The following OPCML variants were observed in gnomAD, a reference collection of about 807,000 sequenced individuals.
The protein encoded by OPCML is opioid binding protein/cell adhesion molecule like.
Under a neutral mutation model 37.8 loss-of-function variants are expected in OPCML, and 13 were observed. That is an observed-to-expected ratio of 0.34 (90% CI 0.22 to 0.55). The LOEUF (loss-of-function observed/expected upper bound fraction) is 0.55, where lower values mean the gene tolerates loss of function less well. OPCML is among the 20% of genes least tolerant of loss of function. The probability of loss-of-function intolerance (pLI) is 0.91; values close to 1 mark genes in which losing one functional copy is unlikely to be tolerated. For synonymous variants in OPCML, 176 were observed against 168.8 expected, an observed-to-expected ratio of 1.04 and a Z score of -0.33; for missense variants, 341 against 435.6, an observed-to-expected ratio of 0.78 and a Z score of 1.93.
chr11:133,034,028 A>T (rs974519654), intron 1 of OPCML, among the ~76,000 whole-genome samples: 2 of 152,206 alleles, frequency 1.3e-5, no homozygotes, highest in East Asian at 3.8e-4. Context: ...AAAATGACTT[A>T]GTTGCGATGG....
chr11:132,641,443 A>G (rs1397359257), intron 3 of OPCML, among the ~76,000 whole-genome samples: 2 of 152,066 alleles, frequency 1.3e-5, no homozygotes, highest in Non-Finnish European at 2.9e-5. Context: ...ACTTTTTCAA[A>G]GTGAGTTTCC....
chr11:132,954,882 G>A (rs759897327), intron 1 of OPCML, among the ~76,000 whole-genome samples: 1 of 152,058 alleles, frequency 6.6e-6, no homozygotes, highest in African/African-American at 2.4e-5. Context: ...ACTCAGGATC[G>A]GTGCCCACAC....
chr11:133,226,754 G>C (rs2030379375), intron 1 of OPCML, among the ~76,000 whole-genome samples: 1 of 152,118 alleles, frequency 6.6e-6, no homozygotes, highest in Non-Finnish European at 1.5e-5. Flanking sequence ...AGCCAATAAA[G>C]AGCACAGTAA....
chr11:133,122,380 G>T (rs187469258), intron 1 of OPCML, among the ~76,000 whole-genome samples: 118 of 151,692 alleles, frequency 7.8e-4, no homozygotes, highest in Admixed American at 4.5e-3. Context: ...CAAGAAAAAT[G>T]GGGTTTGCAG....
intron 1 of OPCML, among the ~76,000 whole-genome samples, chr11:133,075,877 A>T (rs1948613652): frequency 6.6e-6 from 1 of 152,018 alleles, no homozygotes; most frequent in African/African-American, 2.4e-5. Context: ...TCAAACCTCC[A>T]CCCAAATTCC....
At chr11:133,236,063 C>G (rs567466225) in intron 1 of OPCML, among the ~76,000 whole-genome samples, 1 of 152,066 alleles carries the variant, frequency 6.6e-6, no homozygotes, top group African/African-American at 2.4e-5. Context: ...TTTTTGGATT[C>G]GGCACAGTAA....
intron 1 of OPCML, among the ~76,000 whole-genome samples, chr11:132,988,577 T>C (rs1486546264): frequency 6.6e-6 from 1 of 152,184 alleles, no homozygotes; most frequent in Non-Finnish European, 1.5e-5. Flanking sequence ...AACATGAAGC[T>C]TTTGCTTTAG....
intron 1 of OPCML, among the ~76,000 whole-genome samples, chr11:132,965,269 G>A (rs1444471271): frequency 1.3e-5 from 2 of 152,058 alleles, no homozygotes; most frequent in South Asian, 2.1e-4. Context: ...GGGGGGAGGA[G>A]GTGGAAAAGA....
chr11:133,374,607 A>T (rs187610932), intron 1 of OPCML, among the ~76,000 whole-genome samples: 1 of 152,322 alleles, frequency 6.6e-6, no homozygotes, highest in Admixed American at 6.5e-5. Context: ...TTCTCATATT[A>T]GGTTAGCCTT....
chr11:133,008,467 C>A, intron 1 of OPCML: 1 of 969,110 alleles, frequency 1.0e-6, no homozygotes, highest in Non-Finnish European at 1.2e-6. Context: ...ATGCAGTCCC[C>A]AGATTCCCTT....
chr11:133,083,418 G>C (rs1565438827), intron 1 of OPCML, among the ~76,000 whole-genome samples: 1 of 152,138 alleles, frequency 6.6e-6, no homozygotes, highest in Non-Finnish European at 1.5e-5. Context: ...CTGCGGAGAG[G>C]GCTGGCCTGA....
intron 1 of OPCML, among the ~76,000 whole-genome samples, chr11:133,142,175 A>G (rs1211607764): frequency 6.6e-6 from 1 of 152,238 alleles, no homozygotes; most frequent in Non-Finnish European, 1.5e-5. Context: ...CTACCAGCAG[A>G]ACACTTTTTA....
At chr11:132,625,248 T>C (rs536158553) in intron 3 of OPCML, among the ~76,000 whole-genome samples, 1 of 152,234 alleles carries the variant, frequency 6.6e-6, no homozygotes, top group Non-Finnish European at 1.5e-5. Context: ...ATCTTGCTGA[T>C]TTTTGCAGAT....
chr11:133,340,611 T>A (rs1943846990), intron 1 of OPCML, among the ~76,000 whole-genome samples: 1 of 5,286 alleles, frequency 1.9e-4, no homozygotes, highest in African/African-American at 4.3e-4. Flanking sequence ...ACTCTCTCTG[T>A]GTGTGTGTGT....
At chr11:133,018,726 C>A (rs528094710) in intron 1 of OPCML, among the ~76,000 whole-genome samples, 1 of 152,216 alleles carries the variant, frequency 6.6e-6, no homozygotes, top group Non-Finnish European at 1.5e-5. Context: ...TCTTCCTGAT[C>A]CCAGAGGGCA....
intron 1 of OPCML, among the ~76,000 whole-genome samples, chr11:133,218,016 A>G (rs942716925): frequency 2.7e-5 from 4 of 150,098 alleles, no homozygotes; most frequent in Non-Finnish European, 5.9e-5. Flanking sequence ...ACTGCACTCC[A>G]GCCTGAACAA....
intron 2 of OPCML, among the ~76,000 whole-genome samples, chr11:132,912,655 G>C (rs1007161349): frequency 1.7e-4 from 26 of 152,256 alleles, no homozygotes; most frequent in African/African-American, 6.3e-4. Context: ...TTACTATGCA[G>C]ACCAACAATT....
At chr11:132,631,533 C>G (rs1224957341) in intron 3 of OPCML, among the ~76,000 whole-genome samples, 2 of 150,956 alleles carry the variant, frequency 1.3e-5, no homozygotes, top group Non-Finnish European at 2.9e-5. Flanking sequence ...GATCTCGGCT[C>G]ACTGCAAGCT....
intron 2 of OPCML, among the ~76,000 whole-genome samples, chr11:132,760,039 C>T (rs1946204560): frequency 6.6e-6 from 1 of 152,120 alleles, no homozygotes; most frequent in African/African-American, 2.4e-5. Context: ...TTATTTCTTC[C>T]TTAATTTTTT....
Sources: gnomAD v4.1 joint callset for allele counts (sites outside exome capture counted in the v4.1 genomes callset) on GRCh38, gnomAD v4.1.1 for gene constraint, MANE v1.5 for transcripts, NCBI Gene and HGNC (gene_info 2026-07-23, HGNC 2026-07-21) for gene names.